EXOC4: variants seen among roughly 807,000 people sequenced by gnomAD.
The protein encoded by EXOC4 is exocyst complex component 4.
In EXOC4, 71 loss-of-function variants were observed where a neutral mutation model predicts 107.2. That is an observed-to-expected ratio of 0.66 (90% CI 0.55 to 0.81). EXOC4 has a LOEUF of 0.81. Among genes scored for constraint, EXOC4 ranks in the 30% least tolerant of loss-of-function variants. EXOC4 has a pLI of 0.00. For missense variants in EXOC4, 1,108 were observed against 1,189.6 expected (o/e 0.93, Z 1.01); for synonymous variants, 456 against 441.2 (o/e 1.03, Z -0.42).
chr7:133,790,621 A>G (rs1252052752), intron 10 of EXOC4, among the ~76,000 whole-genome samples: 4 of 152,266 alleles, frequency 2.6e-5, no homozygotes, highest in Non-Finnish European at 5.9e-5. Flanking sequence ...CAAATTCGTC[A>G]TATAATTCAT....
intron 10 of EXOC4, among the ~76,000 whole-genome samples, chr7:133,812,641 A>G (rs557492875): frequency 5.9e-5 from 9 of 152,298 alleles, no homozygotes; most frequent in South Asian, 2.1e-4. Flanking sequence ...AAAAATAGAA[A>G]TTATATTCAT....
intron 6 of EXOC4, among the ~76,000 whole-genome samples, chr7:133,367,947 G>A (rs1796283371): frequency 1.3e-5 from 2 of 152,148 alleles, no homozygotes; most frequent in Non-Finnish European, 2.9e-5. Flanking sequence ...ATGACAGGTA[G>A]CTAACTACCT....
intron 14 of EXOC4, among the ~76,000 whole-genome samples, chr7:133,959,985 A>G (rs1338839878): frequency 6.6e-6 from 1 of 152,184 alleles, no homozygotes; most frequent in African/African-American, 2.4e-5. Context: ...ACATAAAAAT[A>G]GGAAAACATG....
intron 16 of EXOC4, among the ~76,000 whole-genome samples, chr7:134,006,623 A>C (rs1015694672): frequency 6.6e-6 from 1 of 152,044 alleles, no homozygotes; most frequent in Non-Finnish European, 1.5e-5. Context: ...TAAGCCCCGC[A>C]CTCTGATCTA....
chr7:133,360,857 C>T (rs969251222), intron 6 of EXOC4, among the ~76,000 whole-genome samples: 1 of 152,196 alleles, frequency 6.6e-6, no homozygotes, highest in Non-Finnish European at 1.5e-5. Context: ...GTTCATAAAA[C>T]TAAATTTTAA....
intron 5 of EXOC4, among the ~76,000 whole-genome samples, chr7:133,344,543 C>T (rs1795741968): frequency 2.0e-5 from 3 of 152,130 alleles, no homozygotes; most frequent in South Asian, 2.1e-4. Flanking sequence ...GTCTTGTCAT[C>T]GGGTAGGATT....
At chr7:133,276,761 G>A (rs1233600526) in intron 2 of EXOC4, among the ~76,000 whole-genome samples, 1 of 152,144 alleles carries the variant, frequency 6.6e-6, no homozygotes, top group Non-Finnish European at 1.5e-5. Context: ...CCCAGTAACA[G>A]CTGTGCATAT....
intron 9 of EXOC4, among the ~76,000 whole-genome samples, chr7:133,501,588 T>A (rs1463178771): frequency 6.6e-6 from 1 of 152,078 alleles, no homozygotes; most frequent in Admixed American, 6.5e-5. Context: ...AAAATAGACA[T>A]TGTGACAAGT....
chr7:133,678,846 C>T (rs1217853466), intron 10 of EXOC4, among the ~76,000 whole-genome samples: 1 of 152,040 alleles, frequency 6.6e-6, no homozygotes, highest in Non-Finnish European at 1.5e-5. Context: ...TCTCAAACTC[C>T]TGGGCTCAAG....
intron 9 of EXOC4, among the ~76,000 whole-genome samples, chr7:133,557,901 G>A (rs1800725148): frequency 6.6e-6 from 1 of 152,156 alleles, no homozygotes; most frequent in Non-Finnish European, 1.5e-5. Context: ...TGAGGCAGGA[G>A]AATCATTTGA....
At chr7:133,581,923 GAGA>G (rs538190692) in intron 9 of EXOC4, among the ~76,000 whole-genome samples, 112 of 152,260 alleles carry the variant, frequency 7.4e-4, no homozygotes, top group African/African-American at 2.5e-3. Context: ...GGCAGCAGGA[GAGA>G]AGGAGAGCAG....
intron 14 of EXOC4, among the ~76,000 whole-genome samples, chr7:133,992,383 A>C (rs1794283834): frequency 6.6e-6 from 1 of 152,072 alleles, no homozygotes; most frequent in South Asian, 2.1e-4. Flanking sequence ...CCCAGGCTCA[A>C]GTGATCCTCC....
intron 10 of EXOC4, among the ~76,000 whole-genome samples, chr7:133,726,385 T>C (rs570797232): frequency 1.3e-5 from 2 of 152,328 alleles, no homozygotes; most frequent in South Asian, 2.1e-4. Flanking sequence ...CACACGTATG[T>C]GTGCTGAGTC....
At chr7:134,005,194 T>A (rs1794618546) in intron 16 of EXOC4, 104 bp downstream of exon 16, 6 of 1,186,024 alleles carry the variant, frequency 5.1e-6, no homozygotes, top group Non-Finnish European at 7.1e-6. Flanking sequence ...AAAGAGTTGT[T>A]TGCTTGCTTG....
intron 5 of EXOC4, among the ~76,000 whole-genome samples, chr7:133,321,149 C>A (rs1227284193): frequency 6.6e-6 from 1 of 151,856 alleles, no homozygotes; most frequent in Non-Finnish European, 1.5e-5. Flanking sequence ...CATTGGGATA[C>A]CATAAATTAA....
chr7:133,609,168 TA>T (rs1802021149), intron 9 of EXOC4, among the ~76,000 whole-genome samples: 1 of 152,158 alleles, frequency 6.6e-6, no homozygotes, highest in Non-Finnish European at 1.5e-5. Context: ...GAACTGTAAT[TA>T]TACATTTTGC....
At chr7:133,865,325 C>T (rs910511881) in intron 11 of EXOC4, among the ~76,000 whole-genome samples, 1 of 152,150 alleles carries the variant, frequency 6.6e-6, no homozygotes, top group Non-Finnish European at 1.5e-5. Flanking sequence ...ATGAAAACCT[C>T]CAGGGTCCTC....
At chr7:133,618,835 TTATTGA>T (rs1277548970) in intron 9 of EXOC4, among the ~76,000 whole-genome samples, 21 of 152,172 alleles carry the variant, frequency 1.4e-4, no homozygotes, top group Admixed American at 7.2e-4. Context: ...TGTCAATTAT[TTATTGA>T]ACATAGTAAA....
chr7:133,866,139 T>C (rs1239529350), intron 11 of EXOC4, among the ~76,000 whole-genome samples: 1 of 152,206 alleles, frequency 6.6e-6, no homozygotes, highest in Non-Finnish European at 1.5e-5. Flanking sequence ...AGTAACATGC[T>C]TTTCATATAT....
Sources: allele counts gnomAD v4.1 joint callset (sites outside exome capture counted in the v4.1 genomes callset), GRCh38; gene constraint gnomAD v4.1.1; transcripts MANE v1.5; gene names NCBI Gene and HGNC (gene_info 2026-07-23, HGNC 2026-07-21).